IGLON5: variants seen among roughly 807,000 people sequenced by gnomAD.
The protein encoded by IGLON5 is IgLON family member 5, also known as Ig-like domain-containing protein ENSP00000270642.
In IGLON5, 16 loss-of-function variants were observed where a neutral mutation model predicts 38.2. The ratio of observed to expected loss-of-function variants is 0.42; its 90% confidence interval spans 0.28 to 0.64. IGLON5 has a LOEUF of 0.64. Ranked by LOEUF, IGLON5 falls within the 30% of genes least tolerant of loss-of-function variation. IGLON5 has a pLI of 0.23. For missense variants in IGLON5, 366 were observed against 483.4 expected (o/e 0.76, Z 2.28); for synonymous variants, 207 against 216.4 (o/e 0.96, Z 0.38).
At chr19:51,326,335 C>T (rs1056733840) in intron 4 of IGLON5, among the ~76,000 whole-genome samples, 3 of 152,182 alleles carry the variant, frequency 2.0e-5, no homozygotes, top group Admixed American at 1.3e-4. Context: ...ATCCCAATCA[C>T]CAGATCCTGA....
intron 1 of IGLON5, among the ~76,000 whole-genome samples, chr19:51,313,427 C>G (rs991010364): frequency 4.6e-5 from 7 of 152,252 alleles, no homozygotes; most frequent in African/African-American, 7.2e-5. Context: ...CCACATCTGT[C>G]TGTCTCTGCT....
In IGLON5 at chr19:51,311,696, G is replaced by C. The variant is rs1984762448; in HGVS notation, c.-152G>C. Among the ~76,000 whole-genome samples, 1 of 106,562 alleles carries C rather than the reference G, an allele frequency of 9.4e-6. No homozygotes were observed. The highest frequency in any genetic ancestry group is 3.4e-5 in the African/African-American group (1 of 29,002). 69.9% of individuals were successfully genotyped at this position (106,562 alleles called of 152,430 possible). A position where few individuals can be genotyped will look rare whatever the true frequency, so the allele number is the denominator to read the frequency against. ...GCAGCAGCTCCAGCCGCCTCGTCGCGCCCCCCCAGCCCCCTCCCCCCGCCC... is the reference window on the plus strand; with the variant it reads ...GCAGCAGCTCCAGCCGCCTCGTCGCCCCCCCCCAGCCCCCTCCCCCCGCCC... On this transcript the variant is annotated 5_prime_UTR_variant, in exon 1 of 8. Coordinates refer to ENST00000270642, the MANE Select transcript of IGLON5 (RefSeq NM_001101372.3).
At chr19:51,316,660 A>G (rs904585199) in intron 1 of IGLON5, among the ~76,000 whole-genome samples, 1 of 151,582 alleles carries the variant, frequency 6.6e-6, no homozygotes, top group South Asian at 2.1e-4. Flanking sequence ...TGCCCGGCTA[A>G]TTTTTGTGTT....
At chr19:51,313,640 TC>T (rs1231765992) in intron 1 of IGLON5, among the ~76,000 whole-genome samples, 8 of 140,522 alleles carry the variant, frequency 5.7e-5, no homozygotes, top group African/African-American at 2.4e-4. Flanking sequence ...TTTCTCTCTC[TC>T]TCTCTTTTTC....
At chr19:51,319,141 CTG>C (rs1312842882) in intron 1 of IGLON5, among the ~76,000 whole-genome samples, 1 of 152,190 alleles carries the variant, frequency 6.6e-6, no homozygotes, top group East Asian at 1.9e-4. Context: ...ATAGCAAATC[CTG>C]TGTGTCTGGG....
At position 51,327,989 on chromosome 19, in the gene IGLON5, A is replaced by C. The variant is rs908291108; in HGVS notation, c.922+103A>C. 2.5e-6 allele frequency: 3 copies of C among 1,209,848 alleles called. No homozygotes were observed. Among genetic ancestry groups the C allele is most frequent in the Non-Finnish European group, 3.3e-6 (3 of 901,206 alleles). 74.9% of individuals were successfully genotyped at this position (1,209,848 alleles called of 1,614,324 possible). On this transcript the variant is annotated intron_variant, in intron 7 of 7. Transcript: ENST00000270642. This position sits in a 1 kb window ranked among gnomAD's most constrained non-coding sequence, Gnocchi z 7.1. ...CGCCCTTCAGGCTGGCCCTGAACTT[A>C]GGAGATGGACGCTGAGACTGAAAAG...
At chr19:51,326,723 T>C in intron 4 of IGLON5, 41 bp from the exon 5 acceptor site, 1 of 1,500,576 alleles carries the variant, frequency 6.7e-7, no homozygotes, top group Non-Finnish European at 9.0e-7. Flanking sequence ...TGTTAAGTGT[T>C]TGTGTCCGGC....
At chr19:51,318,016 C>T (rs527934016) in intron 1 of IGLON5, among the ~76,000 whole-genome samples, 22 of 152,278 alleles carry the variant, frequency 1.4e-4, no homozygotes, top group African/African-American at 4.3e-4. Context: ...GAGATTGGCT[C>T]GACCCTGGGG....
chr19:51,322,191 C>T, intron 2 of IGLON5, 49 bp downstream of exon 2: 2 of 1,442,948 alleles, frequency 1.4e-6, no homozygotes, highest in Non-Finnish European at 1.9e-6. Flanking sequence ...GCCATGCGGT[C>T]CTGCCCCTTC....
Position 51,325,484 on chromosome 19 carries a change from G to T in IGLON5, c.511+19G>T, listed in dbSNP as rs549903864. 4.4e-6 allele frequency: 7 copies of T among 1,602,218 alleles called. No individual in the cohort carries two copies. In the South Asian group the frequency reaches 7.8e-5, roughly 18 times the overall value. On this transcript the variant is annotated intron_variant, in intron 4 of 7. Transcript: ENST00000270642. This position sits in a 1 kb window ranked among gnomAD's most constrained non-coding sequence, Gnocchi z 5.5. ...CTCCGAGGTGAGGACCCCATCCCAG[G>T]TCAAAAGCCCCGTCCCCCACTGCGC...
At chr19:51,316,517 G>A (rs1287483260) in intron 1 of IGLON5, among the ~76,000 whole-genome samples, 4 of 137,516 alleles carry the variant, frequency 2.9e-5, no homozygotes, top group Non-Finnish European at 6.2e-5. Context: ...TTTTTAAGAC[G>A]GAGTCTCGCT....
At chr19:51,316,251 A>G (rs1984920372) in intron 1 of IGLON5, among the ~76,000 whole-genome samples, 1 of 147,398 alleles carries the variant, frequency 6.8e-6, no homozygotes, top group South Asian at 2.3e-4. Flanking sequence ...AGGCTGAGGC[A>G]GGAGAATCGC....
At chr19:51,317,014 C>G (rs1269050545) in intron 1 of IGLON5, among the ~76,000 whole-genome samples, 1 of 151,758 alleles carries the variant, frequency 6.6e-6, no homozygotes, top group Non-Finnish European at 1.5e-5. Flanking sequence ...CCCTCCCGAC[C>G]CCTGCCAACC....
rs1984761861 is a variant in IGLON5, at chr19:51,311,678, C to CTCCA, written c.-169_-166dup. 7.1e-6 allele frequency among the ~76,000 whole-genome samples: 1 copy of CTCCA among 141,486 alleles called. No homozygotes were observed. Among genetic ancestry groups the CTCCA allele is most frequent in the African/African-American group, 2.6e-5 (1 of 38,988 alleles). The allele number at this position is 141,486 out of a possible 152,430, so 92.8% of individuals were successfully genotyped here. A position where few individuals can be genotyped will look rare whatever the true frequency, so the allele number is the denominator to read the frequency against. On this transcript the variant is annotated 5_prime_UTR_variant, in exon 1 of 8. Coordinates refer to ENST00000270642, the MANE Select transcript of IGLON5 (RefSeq NM_001101372.3). ...GCCCCCCTCCCCGGGTCTGCAGCAGCTCCAGCCGCCTCGTCGCGCCCCCCC... is the reference window on the plus strand; with the variant it reads ...GCCCCCCTCCCCGGGTCTGCAGCAGCTCCATCCAGCCGCCTCGTCGCGCCCCCCC...
chr19:51,328,505 G>GAAAAAA (rs61422289), intron 7 of IGLON5, among the ~76,000 whole-genome samples, 166 bp from the exon 8 acceptor site: 2 of 111,148 alleles, frequency 1.8e-5, no homozygotes, highest in Non-Finnish European at 2.0e-5. Context: ...CTCAAAAAAA[G>GAAAAAA]AAAAAAAAAA....
At chr19:51,316,498 C>CTTTTTTTTTTTTTTTTTTTTTTTTTT (rs542147400) in intron 1 of IGLON5, among the ~76,000 whole-genome samples, 2 of 136,098 alleles carry the variant, frequency 1.5e-5, no homozygotes, top group Non-Finnish European at 1.6e-5. Flanking sequence ...CTTTTCTTTT[C>CTTTTTTTTTTTTTTTTTTTTTTTTTT]TTTTTTTTTT....
intron 2 of IGLON5, 110 bp downstream of exon 2, chr19:51,322,252 CTT>C: frequency 2.3e-6 from 2 of 875,216 alleles, no homozygotes; most frequent in Non-Finnish European, 3.7e-6. Flanking sequence ...GATGGGAAGA[CTT>C]GGGCTCCACA....
At chr19:51,328,008 T>C in intron 7 of IGLON5, 122 bp downstream of exon 7, 1 of 1,023,662 alleles carries the variant, frequency 9.8e-7, no homozygotes, top group Non-Finnish European at 1.4e-6. Context: ...ACGCTGAGAC[T>C]GAAAAGCAAT....
chr19:51,312,061 G>C lies in IGLON5; in HGVS notation c.79+135G>C, dbSNP rs550046475. On this transcript the variant is annotated intron_variant, in intron 1 of 7. Transcript: ENST00000270642. Reference sequence around the variant, plus strand: ...GAGGCCCCGGGACGCCGGGGTCTGGGCCCGGGGGTGGGGTCTGCATTCCCT... The same window carrying C: ...GAGGCCCCGGGACGCCGGGGTCTGGCCCCGGGGGTGGGGTCTGCATTCCCT... 6.8e-3 allele frequency: 2,812 copies of C among 411,184 alleles called. 91 individuals carry two copies. Among genetic ancestry groups the C allele is most frequent in the African/African-American group, 0.056 (2,643 of 47,510 alleles). 25.5% of individuals were successfully genotyped at this position (411,184 alleles called of 1,614,324 possible). A position where few individuals can be genotyped will look rare whatever the true frequency, so the allele number is the denominator to read the frequency against.
Sources: gnomAD v4.1 joint callset for allele counts (sites outside exome capture counted in the v4.1 genomes callset) on GRCh38, gnomAD v4.1.1 for gene constraint, Gnocchi (gnomAD v3.1) non-coding constraint, MANE v1.5 for transcripts, NCBI Gene and HGNC (gene_info 2026-07-23, HGNC 2026-07-21) for gene names.